Variants in KCNIP4 observed in about 807,000 individuals in gnomAD.
KCNIP4 encodes the protein potassium voltage-gated channel interacting protein 4.
In KCNIP4, 12 loss-of-function variants were observed where a neutral mutation model predicts 34.0. The ratio of observed to expected loss-of-function variants is 0.35; its 90% CI spans 0.23 to 0.57. The LOEUF (loss-of-function observed/expected upper bound fraction) is 0.57, where lower values mean the gene tolerates loss of function less well. Among genes scored for constraint, KCNIP4 ranks in the 20% least tolerant of loss-of-function variants. KCNIP4 has a pLI of 0.83. For synonymous variants in KCNIP4, 124 were observed against 102.2 expected, an observed-to-expected ratio of 1.21 and a Z score of -1.29; for missense variants, 238 against 311.7, an observed-to-expected ratio of 0.76 and a Z score of 1.78.
At chr4:21,523,851 G>A (rs1358717584) in intron 1 of KCNIP4, among the ~76,000 whole-genome samples, 1 of 152,058 alleles carries the variant, frequency 6.6e-6, no homozygotes, top group Non-Finnish European at 1.5e-5. Flanking sequence ...AAGATTACAG[G>A]TGTGAGCCAC....
chr4:21,946,892 G>A (rs564904505), intron 1 of KCNIP4, among the ~76,000 whole-genome samples: 2 of 152,286 alleles, frequency 1.3e-5, no homozygotes, highest in Admixed American at 1.3e-4. Context: ...CTCCCCAGGT[G>A]TGACTTCATC....
intron 1 of KCNIP4, among the ~76,000 whole-genome samples, chr4:21,059,632 G>A (rs1050536930): frequency 6.6e-6 from 1 of 152,074 alleles, no homozygotes; most frequent in Non-Finnish European, 1.5e-5. Context: ...TTTAAGGAAA[G>A]TGTATTTATG....
intron 1 of KCNIP4, among the ~76,000 whole-genome samples, chr4:21,877,237 G>A (rs958706100): frequency 6.6e-6 from 1 of 151,958 alleles, no homozygotes; most frequent in African/African-American, 2.4e-5. Context: ...CCTGTAATCA[G>A]AGCTACTTGG....
At chr4:21,750,171 T>C (rs190452808) in intron 1 of KCNIP4, among the ~76,000 whole-genome samples, 1 of 152,122 alleles carries the variant, frequency 6.6e-6, no homozygotes, top group Admixed American at 6.6e-5. Flanking sequence ...AATCACTTTG[T>C]AGCCACTGGT....
chr4:21,262,951 C>A (rs951585922), intron 1 of KCNIP4, among the ~76,000 whole-genome samples: 3 of 152,124 alleles, frequency 2.0e-5, no homozygotes, highest in Admixed American at 6.6e-5. Context: ...ATAGTAGTTG[C>A]CTAACTAATG....
At chr4:21,397,827 T>C (rs545306067) in intron 1 of KCNIP4, among the ~76,000 whole-genome samples, 66 of 152,284 alleles carry the variant, frequency 4.3e-4, no homozygotes, top group Non-Finnish European at 7.4e-4. Context: ...CCCTTGAGTA[T>C]GCCATTTTTC....
At chr4:21,842,642 A>G (rs1301038133) in intron 1 of KCNIP4, among the ~76,000 whole-genome samples, 2 of 152,114 alleles carry the variant, frequency 1.3e-5, no homozygotes, top group Non-Finnish European at 2.9e-5. Flanking sequence ...CTTTTTCTAA[A>G]TATTGCATAT....
intron 1 of KCNIP4, among the ~76,000 whole-genome samples, chr4:21,403,184 T>C (rs894978060): frequency 6.6e-6 from 1 of 152,246 alleles, no homozygotes; most frequent in Non-Finnish European, 1.5e-5. Context: ...GTGTTTCTTC[T>C]CAGTCTCCAT....
intron 1 of KCNIP4, among the ~76,000 whole-genome samples, chr4:21,029,924 G>T (rs144196944): frequency 1.7e-3 from 259 of 152,236 alleles, no homozygotes; most frequent in African/African-American, 6.0e-3. Flanking sequence ...TCAATAGTTT[G>T]AACAGTTTCT....
chr4:21,687,854 A>G (rs935663585), intron 1 of KCNIP4, among the ~76,000 whole-genome samples: 2 of 152,194 alleles, frequency 1.3e-5, no homozygotes, highest in African/African-American at 4.8e-5. Context: ...AATTAAAGTA[A>G]TCACACAGCT....
chr4:20,796,604 CT>C (rs34624781), intron 3 of KCNIP4, among the ~76,000 whole-genome samples: 57,536 of 140,550 alleles, frequency 0.41, 11,422 homozygotes, highest in South Asian at 0.57. Context: ...ATTTTTATTG[CT>C]TTTTTTTTTT....
At chr4:21,600,154 G>A (rs951017346) in intron 1 of KCNIP4, among the ~76,000 whole-genome samples, 2 of 151,994 alleles carry the variant, frequency 1.3e-5, no homozygotes, top group Admixed American at 6.6e-5. Flanking sequence ...TGATGCTAAG[G>A]TATGGCTTCC....
At position 21,948,623 on chromosome 4, in the gene KCNIP4, C is replaced by T; in HGVS notation, c.9G>A (p.Val3=). The change falls in exon 1 of 9, where the codon GTG becomes GTA. Residue 3 remains valine (V), a synonymous_variant. Transcript: ENST00000382152. ...GAGCCGAAATGCTTTCCACCCTCCT[C>T]ACATTCATGTCTAGGGACGCAGGGT... The part of the protein sequence containing the change: MN[V]RRVESISAQL... The T allele has an allele frequency of 1.2e-6, 2 of 1,613,414 alleles. No individual in the cohort carries two copies. Among genetic ancestry groups the T allele is most frequent in the Non-Finnish European group, 1.7e-6 (2 of 1,179,688 alleles).
In KCNIP4 at chr4:21,304,087, CAGAGAGAGAGAGAG is replaced by C. The variant is rs145509516; in HGVS notation, c.62-421392_62-421379del. On this transcript the variant is annotated intron_variant, in intron 1 of 8. Transcript: ENST00000382152. The stretch of plus-strand genomic sequence containing the variant: ...AGAGAGACAGAGAGAGAGAGAGAGA[CAGAGAGAGAGAGAG>C]AGAGAGACAGAGGAGAGAGAGGGAG... 3.5e-3 allele frequency: 449 copies of C among 127,866 alleles called. 4 individuals are homozygous for C. The highest frequency in any genetic ancestry group is 0.017 in the East Asian group (77 of 4,408). 7.9% of individuals were successfully genotyped at this position (127,866 alleles called of 1,614,324 possible). A position where few individuals can be genotyped will look rare whatever the true frequency, so the allele number is the denominator to read the frequency against.
intron 1 of KCNIP4, among the ~76,000 whole-genome samples, chr4:21,147,662 G>A (rs934980228): frequency 8.6e-5 from 13 of 152,014 alleles, no homozygotes; most frequent in African/African-American, 1.2e-4. Flanking sequence ...ACTTTGGCCA[G>A]GCGCGGTGGC....
intron 1 of KCNIP4, among the ~76,000 whole-genome samples, chr4:21,039,223 ATGG>A (rs1741732229): frequency 6.6e-6 from 1 of 152,002 alleles, no homozygotes; most frequent in African/African-American, 2.4e-5. Flanking sequence ...TTAGCTGGAC[ATGG>A]TGGTGTGCAC....
chr4:21,714,817 T>G (rs949368133), intron 1 of KCNIP4, among the ~76,000 whole-genome samples: 8 of 204 alleles, frequency 0.039, no homozygotes, highest in Non-Finnish European at 0.037. Flanking sequence ...TTATTTTATT[T>G]TATTTTATTT....
At chr4:21,192,046 CCTTTCCTCTAGAAGTATAA>C (rs1202537284) in intron 1 of KCNIP4, among the ~76,000 whole-genome samples, 1 of 152,136 alleles carries the variant, frequency 6.6e-6, no homozygotes, top group Non-Finnish European at 1.5e-5. Flanking sequence ...GATTTTGAAT[CCTTTCCTCTAGAAGTATAA>C]CTTGTTTGAG....
At chr4:21,270,820 C>T (rs28688766) in intron 1 of KCNIP4, among the ~76,000 whole-genome samples, 38,916 of 151,724 alleles carry the variant, frequency 0.26, 5,178 homozygotes, top group South Asian at 0.35. Flanking sequence ...AAACCCGTCT[C>T]TACTAAAAAT....
Sources: allele counts gnomAD v4.1 joint callset (sites outside exome capture counted in the v4.1 genomes callset), GRCh38; gene constraint gnomAD v4.1.1; transcripts MANE v1.5; gene names NCBI Gene and HGNC (gene_info 2026-07-23, HGNC 2026-07-21).